ARHGEF11: variants seen among roughly 807,000 people sequenced by gnomAD.
The protein encoded by ARHGEF11 is Rho guanine nucleotide exchange factor 11, also known as Rho guanine exchange factor (GEF) 11.
ARHGEF11 carries 55 observed loss-of-function variants against 193.7 expected under a neutral mutation model. That is an observed-to-expected ratio of 0.28 (90% confidence interval 0.23 to 0.36). ARHGEF11 has a LOEUF of 0.36. Among genes scored for constraint, ARHGEF11 ranks in the 10% least tolerant of loss-of-function variants. The probability of loss-of-function intolerance (pLI) is 1.00; values close to 1 mark genes in which losing one functional copy is unlikely to be tolerated. For synonymous variants in ARHGEF11, 693 were observed against 768.0 expected (o/e 0.90, Z 1.62); for missense variants, 1,723 against 2,005.6 (o/e 0.86, Z 2.69).
intron 1 of ARHGEF11, among the ~76,000 whole-genome samples, chr1:157,037,352 C>T (rs12401420): frequency 0.12 from 18,791 of 152,114 alleles, 1,290 homozygotes; most frequent in South Asian, 0.24. Context: ...TCTCTTTAAA[C>T]ACTATGTTTA....
intron 21 of ARHGEF11, among the ~76,000 whole-genome samples, chr1:156,953,576 A>G (rs1318665083): frequency 6.6e-6 from 1 of 152,232 alleles, no homozygotes; most frequent in African/African-American, 2.4e-5. Context: ...GGAATTTAGT[A>G]ACTTTTAAAC....
At chr1:156,995,439 T>G (rs1275006908) in intron 1 of ARHGEF11, among the ~76,000 whole-genome samples, 1 of 152,206 alleles carries the variant, frequency 6.6e-6, no homozygotes, top group Non-Finnish European at 1.5e-5. Flanking sequence ...TCAGCTTAAG[T>G]GTCCCTTTCT....
intron 1 of ARHGEF11, 29 bp from the exon 2 acceptor site, chr1:156,986,202 A>G (rs1289763178): frequency 5.7e-6 from 9 of 1,579,874 alleles, no homozygotes; most frequent in Non-Finnish European, 7.8e-6. Flanking sequence ...AAGCATGTCA[A>G]TGAGCTCAGC....
At chr1:156,993,476 A>C (rs1336726112) in intron 1 of ARHGEF11, among the ~76,000 whole-genome samples, 12 of 152,230 alleles carry the variant, frequency 7.9e-5, no homozygotes, top group Admixed American at 3.3e-4. Flanking sequence ...AAAGCACACT[A>C]TACACAGGCT....
intron 26 of ARHGEF11, 37 bp from the exon 27 acceptor site, chr1:156,947,052 T>A: frequency 6.2e-7 from 1 of 1,612,032 alleles, no homozygotes. Flanking sequence ...ATGCCTGGGG[T>A]TGAGCTCAAC....
At chr1:156,944,279 A>G (rs1309780268) in intron 31 of ARHGEF11, 79 bp downstream of exon 31, 2 of 1,515,824 alleles carry the variant, frequency 1.3e-6, no homozygotes, top group Non-Finnish European at 1.8e-6. Flanking sequence ...TCATGTTTCC[A>G]TGCTTGGGAA....
rs114416556 is a variant in ARHGEF11 at position 157,017,013 on chromosome 1, T to C, written c.32+27286A>G. Among the ~76,000 whole-genome samples the C allele has an allele frequency of 6.2e-3, 947 of 152,234 alleles. 9 individuals are homozygous for C. The highest frequency in any genetic ancestry group is 0.022 in the African/African-American group (901 of 41,522). On this transcript the variant is annotated intron_variant, in intron 1 of 40. Transcript: ENST00000368194. ...AGGCTAGAAGCTAAGGCTGCTGCCATACCATTAAGATTTAAAAAAGAAAAT... is the reference window on the plus strand; with the variant it reads ...AGGCTAGAAGCTAAGGCTGCTGCCACACCATTAAGATTTAAAAAAGAAAAT...
At chr1:157,031,660 T>C (rs983451816) in intron 1 of ARHGEF11, among the ~76,000 whole-genome samples, 1 of 152,138 alleles carries the variant, frequency 6.6e-6, no homozygotes, top group African/African-American at 2.4e-5. Context: ...GTCAGGGGGC[T>C]CTCAGAAACC....
At chr1:157,027,509 G>A (rs576889350) in intron 1 of ARHGEF11, among the ~76,000 whole-genome samples, 1 of 152,256 alleles carries the variant, frequency 6.6e-6, no homozygotes, top group African/African-American at 2.4e-5. Flanking sequence ...AGAGCTATAG[G>A]AGAAAGAAGA....
At chr1:157,006,565 G>A (rs1231781310) in intron 1 of ARHGEF11, among the ~76,000 whole-genome samples, 1 of 152,206 alleles carries the variant, frequency 6.6e-6, no homozygotes, top group Non-Finnish European at 1.5e-5. Flanking sequence ...GACAAGAAGA[G>A]AATTGCTCTC....
intron 5 of ARHGEF11, among the ~76,000 whole-genome samples, chr1:156,978,747 C>G (rs1438314462): frequency 6.6e-6 from 1 of 152,244 alleles, no homozygotes. Context: ...GATTCTAGCC[C>G]TCTGCTCTCC....
In ARHGEF11 at chr1:156,948,519, A is replaced by G. The variant is rs1191349234; in HGVS notation, c.1926-21T>C. On this transcript the variant is annotated intron_variant, in intron 22 of 40. Coordinates refer to ENST00000368194, the MANE Select transcript of ARHGEF11 (RefSeq NM_198236.3). The surrounding 1 kb of genome is among the most constrained non-coding windows in gnomAD (Gnocchi z 4.2). ...GTGAACTGGGGGGAAGGGACAAAAG[A>G]CTTTGGGACTTGGGAAGTCAGTGGG... The G allele has an allele frequency of 6.2e-7, 1 of 1,614,070 alleles. No individual in the cohort carries two copies. The highest frequency in any genetic ancestry group is 1.7e-5 in the Admixed American group (1 of 60,030).
intron 1 of ARHGEF11, among the ~76,000 whole-genome samples, chr1:157,022,758 G>A (rs1387562079): frequency 6.6e-6 from 1 of 152,104 alleles, no homozygotes; most frequent in East Asian, 1.9e-4. Flanking sequence ...CACACTTTCT[G>A]ATTTCAAAAC....
rs1658419177 is a variant in ARHGEF11 at position 156,947,787 on chromosome 1, G to A, written c.2323C>T (p.Arg775Trp). ...TTCTCACCATTGATGACCTCTTGCC[G>A]GTCAATCTCCCGCTGGGTTAGCCCA... ...VAGLTQREID[R>W]QEVINELFVT... Residue 775 changes from arginine to tryptophan, a missense_variant, in exon 25 of 41, where the codon CGG (arginine) becomes TGG (tryptophan). Physicochemically the swap from Arg to Trp is moderately radical, Grantham distance 101. Around this residue, in one of 5 missense-constraint regions of ARHGEF11, gnomAD observed 491 missense variants for 654.5 expected, o/e 0.75. Coordinates refer to ENST00000368194, the MANE Select transcript of ARHGEF11 (RefSeq NM_198236.3). 1.2e-6 allele frequency: 2 copies of A among 1,613,322 alleles called. No homozygotes were observed. The highest frequency in any genetic ancestry group is 1.7e-6 in the Non-Finnish European group (2 of 1,180,020).
chr1:157,004,798 A>T (rs1450367470), intron 1 of ARHGEF11, among the ~76,000 whole-genome samples: 8 of 152,220 alleles, frequency 5.3e-5, no homozygotes. Flanking sequence ...CAAAGATGAC[A>T]TCAGGAAGGA....
chr1:156,990,481 C>G (rs1192493413), intron 1 of ARHGEF11, among the ~76,000 whole-genome samples: 1 of 152,154 alleles, frequency 6.6e-6, no homozygotes, highest in East Asian at 1.9e-4. Context: ...AATCTCTCAT[C>G]CAATAGTTTT....
At position 156,986,197 on chromosome 1, in the gene ARHGEF11, T is replaced by C. The variant is rs138507383; in HGVS notation, c.33-24A>G. On this transcript the variant is annotated intron_variant, in intron 1 of 40. Coordinates refer to ENST00000368194, the MANE Select transcript of ARHGEF11 (RefSeq NM_198236.3). ...ACCTGGAGAAGGAGTAAGGAAAGCA[T>C]GTCAATGAGCTCAGCAGGGGGGATC... The C allele has an allele frequency of 3.7e-3, 5,951 of 1,592,274 alleles. 10 individuals carry two copies. Among genetic ancestry groups the C allele is most frequent in the Non-Finnish European group, 4.7e-3 (5,430 of 1,161,008 alleles).
intron 1 of ARHGEF11, among the ~76,000 whole-genome samples, chr1:156,995,707 T>TG (rs1428260680): frequency 1.3e-5 from 2 of 149,988 alleles, no homozygotes; most frequent in African/African-American, 4.9e-5. Context: ...CCAGCTTGTT[T>TG]TTTTTTTTTT....
At chr1:157,006,928 G>T (rs1452872022) in intron 1 of ARHGEF11, among the ~76,000 whole-genome samples, 1 of 152,222 alleles carries the variant, frequency 6.6e-6, no homozygotes, top group Non-Finnish European at 1.5e-5. Flanking sequence ...TGCAGGGCCA[G>T]GCTGGCTAAG....
Sources: allele counts gnomAD v4.1 joint callset (sites outside exome capture counted in the v4.1 genomes callset), GRCh38; gene constraint gnomAD v4.1.1; regional missense constraint gnomAD v4.1.1; non-coding constraint Gnocchi (gnomAD v3.1); transcripts MANE v1.5; gene names NCBI Gene and HGNC (gene_info 2026-07-23, HGNC 2026-07-21).